RANBP10: variants seen among roughly 807,000 people sequenced by gnomAD.
RANBP10 encodes ran-binding protein 10.
A neutral mutation model predicts 72.8 loss-of-function variants in RANBP10; 24 were observed. The ratio of observed to expected loss-of-function variants is 0.33; its 90% CI spans 0.24 to 0.46. The LOEUF is 0.46. Ranked by LOEUF, RANBP10 falls within the 20% of genes least tolerant of loss-of-function variation. RANBP10 has a pLI of 1.00. For synonymous variants in RANBP10, 310 were observed against 322.3 expected (o/e 0.96, Z 0.41); for missense variants, 679 against 817.5 (o/e 0.83, Z 2.07).
At chr16:67,735,748 T>A (rs1597832097) in intron 5 of RANBP10, 1 of 147,354 alleles carries the variant, frequency 6.8e-6, no homozygotes, top group Non-Finnish European at 1.5e-5. Flanking sequence ...GTGACAAGAG[T>A]GAGTCCCTGT....
At chr16:67,796,971 C>T (rs1459117256) in intron 2 of RANBP10, among the ~76,000 whole-genome samples, 5 of 152,218 alleles carry the variant, frequency 3.3e-5, no homozygotes, top group African/African-American at 4.8e-5. Flanking sequence ...CCCTCTTCCA[C>T]TGATGAGTCC....
chr16:67,765,123 C>T (rs189434717), intron 3 of RANBP10, among the ~76,000 whole-genome samples: 5 of 139,552 alleles, frequency 3.6e-5, no homozygotes, highest in East Asian at 2.2e-4. Context: ...AATCACTTGC[C>T]CAGGAGGCGG....
At chr16:67,802,406 C>T (rs985451123) in intron 2 of RANBP10, among the ~76,000 whole-genome samples, 7 of 152,154 alleles carry the variant, frequency 4.6e-5, no homozygotes, top group Admixed American at 6.5e-5. Flanking sequence ...GGGAGACTGA[C>T]GCAGGTGAAT....
chr16:67,734,273 A>G (rs1211413021), intron 6 of RANBP10, among the ~76,000 whole-genome samples: 1 of 152,202 alleles, frequency 6.6e-6, no homozygotes, highest in Non-Finnish European at 1.5e-5. Flanking sequence ...TCACTGCCTC[A>G]CTCAGGCTTG....
intron 4 of RANBP10, among the ~76,000 whole-genome samples, chr16:67,740,097 A>C (rs1419111910): frequency 4.0e-5 from 5 of 125,548 alleles, no homozygotes; most frequent in African/African-American, 9.2e-5. Context: ...CCAGGTTCAC[A>C]CTTTTTTTTT....
chr16:67,762,846 T>C (rs1597873902), intron 3 of RANBP10, among the ~76,000 whole-genome samples: 1 of 152,222 alleles, frequency 6.6e-6, no homozygotes, highest in East Asian at 1.9e-4. Flanking sequence ...CTGTGCTCAC[T>C]ATGGGGGAGT....
intron 3 of RANBP10, among the ~76,000 whole-genome samples, chr16:67,754,041 G>A (rs2054242894): frequency 6.6e-6 from 1 of 151,832 alleles, no homozygotes; most frequent in Non-Finnish European, 1.5e-5. Context: ...GGCTGAGGCA[G>A]GAGAATGGCG....
At chr16:67,784,108 T>C (rs539392935) in intron 2 of RANBP10, among the ~76,000 whole-genome samples, 1 of 148,870 alleles carries the variant, frequency 6.7e-6, no homozygotes, top group Non-Finnish European at 1.5e-5. Context: ...TAGATGAATA[T>C]AGATGCAAAA....
rs537689953 is a variant in RANBP10, at chr16:67,729,452, C to T, written c.1180G>A (p.Ala394Thr). Reference sequence around the variant, plus strand: ...TGGTTCTGTTTGCTCTTGGTGGACGCGACGCCATTGCTACAGCTGGGACTG... The same window carrying T: ...TGGTTCTGTTTGCTCTTGGTGGACGTGACGCCATTGCTACAGCTGGGACTG... ...ADSPSCSNGVASTKSKQNHSK... is the reference protein window; with the variant it reads ...ADSPSCSNGVTSTKSKQNHSK... Residue 394 changes from alanine to threonine, a missense_variant, in exon 10 of 14, where the codon GCG becomes ACG. Transcript: ENST00000317506. The surrounding 1 kb of genome is among the most constrained non-coding windows in gnomAD (Gnocchi z 7.1). The T allele has an allele frequency of 1.9e-5, 30 of 1,612,876 alleles. No individual in the cohort carries two copies. The highest frequency in any genetic ancestry group is 1.1e-4 in the East Asian group (5 of 44,852).
At chr16:67,764,695 A>G (rs2054463661) in intron 3 of RANBP10, among the ~76,000 whole-genome samples, 1 of 152,194 alleles carries the variant, frequency 6.6e-6, no homozygotes, top group Non-Finnish European at 1.5e-5. Context: ...CCTGTCTATA[A>G]ATTAAATAAA....
At chr16:67,734,138 C>A in intron 6 of RANBP10, among the ~76,000 whole-genome samples, 1 of 152,236 alleles carries the variant, frequency 6.6e-6, no homozygotes. Context: ...CCCCAGGAAT[C>A]CTAGCACCCT....
intron 2 of RANBP10, 112 bp from the exon 3 acceptor site, chr16:67,772,198 T>C (rs765139179): frequency 8.7e-7 from 1 of 1,155,516 alleles, no homozygotes. Context: ...AAGCAATGAA[T>C]GTAGAGGCTC....
rs991034099 is a variant in RANBP10 at position 67,803,729 on chromosome 16, G to A, written c.347+1699C>T. ...CCCAGTTACTCAGGAGGCTGAGGTG[G>A]GAGGATAACTCGAGCCCAGAAGGTC... On this transcript the variant is annotated intron_variant, in intron 2 of 13. Coordinates refer to ENST00000317506, the MANE Select transcript of RANBP10 (RefSeq NM_020850.3). 5.6e-4 allele frequency among the ~76,000 whole-genome samples: 85 copies of A among 151,480 alleles called. 1 individual carries two copies. The highest frequency in any genetic ancestry group is 1.9e-3 in the African/African-American group (80 of 41,280).
At chr16:67,777,562 A>C (rs1051941475) in intron 2 of RANBP10, among the ~76,000 whole-genome samples, 75 of 152,138 alleles carry the variant, frequency 4.9e-4, no homozygotes, top group Non-Finnish European at 3.4e-4. Context: ...AAAAGTAAAA[A>C]AACTTAACCA....
At chr16:67,731,113 G>A in intron 7 of RANBP10, 1 of 279,394 alleles carries the variant, frequency 3.6e-6, no homozygotes, top group Non-Finnish European at 7.0e-6. Context: ...TACTAAGGCA[G>A]GCAAACAGCC....
At chr16:67,756,015 C>T (rs1415527299) in intron 3 of RANBP10, among the ~76,000 whole-genome samples, 1 of 152,210 alleles carries the variant, frequency 6.6e-6, no homozygotes, top group Non-Finnish European at 1.5e-5. Context: ...CCCCAGGTGG[C>T]CAGTGCAGAT....
chr16:67,730,134 G>A lies in RANBP10; in HGVS notation c.890-88C>T, dbSNP rs2053697613. ...TGGGATGCTGCCAGCCTCAGGGTAGGGTCCGGCTCAGAGTGCCTCGCCAGC... is the reference window on the plus strand; with the variant it reads ...TGGGATGCTGCCAGCCTCAGGGTAGAGTCCGGCTCAGAGTGCCTCGCCAGC... On this transcript the variant is annotated intron_variant, in intron 7 of 13. Transcript: ENST00000317506. The surrounding 1 kb of genome is among the most constrained non-coding windows in gnomAD (Gnocchi z 4.3). The A allele has an allele frequency of 1.6e-6, 2 of 1,281,202 alleles. No individual in the cohort carries two copies. The highest frequency in any genetic ancestry group is 1.2e-5 in the South Asian group (1 of 81,824). 79.4% of individuals were successfully genotyped at this position (1,281,202 alleles called of 1,614,324 possible).
chr16:67,745,227 TG>T (rs1408097227), intron 3 of RANBP10, among the ~76,000 whole-genome samples: 1 of 151,766 alleles, frequency 6.6e-6, no homozygotes, highest in East Asian at 1.9e-4. Context: ...CCGCCTGCCT[TG>T]GCCTCCCAAA....
chr16:67,750,477 C>G (rs1201735593), intron 3 of RANBP10, among the ~76,000 whole-genome samples: 1 of 152,196 alleles, frequency 6.6e-6, no homozygotes, highest in African/African-American at 2.4e-5. Context: ...AGTCACTGTT[C>G]CCGGGACTGT....
Sources: allele counts gnomAD v4.1 joint callset (sites outside exome capture counted in the v4.1 genomes callset), GRCh38; gene constraint gnomAD v4.1.1; non-coding constraint Gnocchi (gnomAD v3.1); transcripts MANE v1.5; gene names NCBI Gene and HGNC (gene_info 2026-07-23, HGNC 2026-07-21).